The following PPFIA2 variants were observed in gnomAD, a reference collection of about 807,000 sequenced individuals.
PPFIA2 encodes PPFI scaffold protein A2.
A neutral mutation model predicts 175.5 loss-of-function variants in PPFIA2; 46 were observed. The observed-to-expected ratio is 0.26, with a 90% confidence interval of 0.21 to 0.34. The LOEUF (loss-of-function observed/expected upper bound fraction) is 0.34. PPFIA2 is among the 10% of genes least tolerant of loss of function. The pLI is 1.00. For synonymous variants in PPFIA2, 568 were observed against 511.4 expected (o/e 1.11, Z -1.49); for missense variants, 1,179 against 1,506.1 (o/e 0.78, Z 3.60).
At chr12:81,403,764 G>GT (rs1382259347) in intron 8 of PPFIA2, among the ~76,000 whole-genome samples, 9 of 152,130 alleles carry the variant, frequency 5.9e-5, no homozygotes, top group Non-Finnish European at 1.2e-4. Flanking sequence ...TAAACATGCT[G>GT]TGCATGCGGC....
At position 81,462,286 on chromosome 12, in the gene PPFIA2, C is replaced by CAT. The variant is rs71881439; in HGVS notation, c.304-4422_304-4421dup. On this transcript the variant is annotated intron_variant, in intron 4 of 32. Coordinates refer to ENST00000549396, the MANE Select transcript of PPFIA2 (RefSeq NM_003625.5). ...ATATATATATATATATGTTAGAAAACATATATATATATATATGTTTTCTAA... is the reference window on the plus strand; with the variant it reads ...ATATATATATATATATGTTAGAAAACATATATATATATATATATGTTTTCTAA... Among the ~76,000 whole-genome samples, 209 of 135,858 alleles carry CAT rather than the reference C, an allele frequency of 1.5e-3. 1 individual carries two copies. Among genetic ancestry groups the CAT allele is most frequent in the East Asian group, 5.8e-3 (26 of 4,498 alleles). The allele number at this position is 135,858 out of a possible 152,430, so 89.1% of individuals were successfully genotyped here.
chr12:81,664,564 T>C (rs1465646299), intron 4 of PPFIA2, among the ~76,000 whole-genome samples: 5 of 151,958 alleles, frequency 3.3e-5, no homozygotes, highest in South Asian at 4.1e-4. Flanking sequence ...TGTGGAGAAA[T>C]AGGAACACTT....
At chr12:81,586,383 T>C (rs1161299972) in intron 4 of PPFIA2, among the ~76,000 whole-genome samples, 1 of 151,974 alleles carries the variant, frequency 6.6e-6, no homozygotes, top group Non-Finnish European at 1.5e-5. Context: ...TGACTCTTTT[T>C]GACTCCCAGT....
intron 3 of PPFIA2, among the ~76,000 whole-genome samples, chr12:81,695,767 C>G: frequency 6.6e-6 from 1 of 152,178 alleles, no homozygotes; most frequent in East Asian, 1.9e-4. Context: ...CTTTTCTGCT[C>G]AAATGATCAT....
intron 4 of PPFIA2, among the ~76,000 whole-genome samples, chr12:81,656,485 T>C (rs190511545): frequency 6.6e-6 from 1 of 152,220 alleles, no homozygotes; most frequent in Admixed American, 6.6e-5. Context: ...CAAAGCTGCA[T>C]TTGTACCCCC....
At chr12:81,738,399 A>C (rs1292700317) in intron 3 of PPFIA2, among the ~76,000 whole-genome samples, 4 of 151,966 alleles carry the variant, frequency 2.6e-5, no homozygotes, top group Non-Finnish European at 4.4e-5. Context: ...ATCCCAGATG[A>C]AAAGCCAGAA....
At chr12:81,414,446 C>A (rs187623950) in intron 7 of PPFIA2, among the ~76,000 whole-genome samples, 1 of 151,586 alleles carries the variant, frequency 6.6e-6, no homozygotes, top group African/African-American at 2.4e-5. Flanking sequence ...TTAAACTTAC[C>A]CTGAAAAAAA....
intron 28 of PPFIA2, among the ~76,000 whole-genome samples, chr12:81,271,915 A>AT (rs1565837450): frequency 6.7e-6 from 1 of 150,084 alleles, no homozygotes; most frequent in African/African-American, 2.5e-5. Context: ...TTTCTTTTCT[A>AT]TTTGTTTTTT....
At chr12:81,281,065 C>T (rs1315860061) in intron 27 of PPFIA2, among the ~76,000 whole-genome samples, 192 bp downstream of exon 27, 9 of 152,030 alleles carry the variant, frequency 5.9e-5, no homozygotes, top group Non-Finnish European at 1.3e-4. Flanking sequence ...ATAATATGCA[C>T]ATAGCTCTAA....
intron 7 of PPFIA2, among the ~76,000 whole-genome samples, chr12:81,420,447 C>T (rs2046040694): frequency 6.6e-6 from 1 of 151,618 alleles, no homozygotes; most frequent in Non-Finnish European, 1.5e-5. Context: ...CAGAACAATA[C>T]ATGAAAAAAA....
chr12:81,548,537 T>C (rs1243330812), intron 4 of PPFIA2, among the ~76,000 whole-genome samples: 1 of 152,114 alleles, frequency 6.6e-6, no homozygotes, highest in East Asian at 1.9e-4. Context: ...CTCAATATGT[T>C]ACCTAGACTG....
intron 4 of PPFIA2, among the ~76,000 whole-genome samples, chr12:81,468,414 A>C (rs1371088576): frequency 6.6e-6 from 1 of 152,196 alleles, no homozygotes; most frequent in Non-Finnish European, 1.5e-5. Flanking sequence ...GTCATTGCCA[A>C]CCAAAAACTC....
intron 4 of PPFIA2, among the ~76,000 whole-genome samples, chr12:81,482,590 A>G (rs527614230): frequency 2.3e-3 from 357 of 152,292 alleles, no homozygotes; most frequent in African/African-American, 8.3e-3. Flanking sequence ...CTTTGCAGGG[A>G]CATGGATGAA....
chr12:81,529,673 T>C (rs886762596), intron 4 of PPFIA2, among the ~76,000 whole-genome samples: 3 of 151,942 alleles, frequency 2.0e-5, no homozygotes, highest in African/African-American at 2.4e-5. Context: ...CCTTTAAAAA[T>C]TGTAATTTTT....
intron 4 of PPFIA2, among the ~76,000 whole-genome samples, chr12:81,496,620 G>C (rs2060052973): frequency 6.6e-6 from 1 of 152,090 alleles, no homozygotes; most frequent in Admixed American, 6.6e-5. Context: ...TGAATGAAAG[G>C]AATCAATAAC....
At chr12:81,368,289 T>A (rs1230332936) in intron 13 of PPFIA2, 1 of 561,420 alleles carries the variant, frequency 1.8e-6, no homozygotes, top group Non-Finnish European at 2.9e-6. Flanking sequence ...TACTAGTTCT[T>A]TTGATGATAT....
chr12:81,698,126 CGA>C (rs2076095928), intron 3 of PPFIA2, among the ~76,000 whole-genome samples: 1 of 152,020 alleles, frequency 6.6e-6, no homozygotes, highest in Non-Finnish European at 1.5e-5. Context: ...ATTTCTGATT[CGA>C]TAGGCCAGGA....
chr12:81,549,984 T>C (rs979022032), intron 4 of PPFIA2, among the ~76,000 whole-genome samples: 3 of 152,006 alleles, frequency 2.0e-5, no homozygotes, highest in African/African-American at 4.8e-5. Flanking sequence ...ATTTTTAAGG[T>C]ATATTCCAAG....
chr12:81,657,013 C>A (rs1394693172), intron 4 of PPFIA2, among the ~76,000 whole-genome samples: 4 of 151,934 alleles, frequency 2.6e-5, no homozygotes, highest in African/African-American at 7.2e-5. Context: ...TTTTAAAGTG[C>A]CTGTAGTGGT....
Sources: gnomAD v4.1 joint callset for allele counts (sites outside exome capture counted in the v4.1 genomes callset) on GRCh38, gnomAD v4.1.1 for gene constraint, MANE v1.5 for transcripts, NCBI Gene and HGNC (gene_info 2026-07-23, HGNC 2026-07-21) for gene names.